APBA1: variants seen among roughly 807,000 people sequenced by gnomAD.
APBA1 encodes the protein amyloid beta precursor protein binding family A member 1.
In APBA1, 55 loss-of-function variants were observed where a neutral mutation model predicts 86.6. The ratio of observed to expected loss-of-function variants is 0.64; its 90% CI spans 0.51 to 0.80. The LOEUF (loss-of-function observed/expected upper bound fraction) is 0.80, where lower values mean the gene tolerates loss of function less well. Among genes scored for constraint, APBA1 ranks in the 30% least tolerant of loss-of-function variants. The pLI is 0.00. For synonymous variants in APBA1, 511 were observed against 493.9 expected (o/e 1.03, Z -0.46); for missense variants, 1,090 against 1,183.0 (o/e 0.92, Z 1.15).
chr9:69,569,728 ACT>A (rs1837085351), intron 1 of APBA1, among the ~76,000 whole-genome samples: 1 of 152,116 alleles, frequency 6.6e-6, no homozygotes, highest in South Asian at 2.1e-4. Context: ...TGTGAAATAA[ACT>A]CTGTTATAGG....
intron 2 of APBA1, among the ~76,000 whole-genome samples, chr9:69,498,000 G>A (rs1399517167): frequency 6.6e-6 from 1 of 152,096 alleles, no homozygotes; most frequent in African/African-American, 2.4e-5. Context: ...AATGTGGAAG[G>A]CAGAGTTCTC....
intron 2 of APBA1, among the ~76,000 whole-genome samples, chr9:69,497,257 TGAA>T (rs1231996798): frequency 1.3e-5 from 2 of 151,892 alleles, no homozygotes; most frequent in Admixed American, 1.3e-4. Flanking sequence ...GATGGAAGCA[TGAA>T]GAGGAGGATC....
chr9:69,526,399 A>C (rs981945790), intron 1 of APBA1, among the ~76,000 whole-genome samples: 1 of 152,166 alleles, frequency 6.6e-6, no homozygotes, highest in Non-Finnish European at 1.5e-5. Flanking sequence ...AACCCCATTA[A>C]AACGAGGAAA....
intron 1 of APBA1, among the ~76,000 whole-genome samples, chr9:69,559,391 T>C (rs149773292): frequency 4.2e-3 from 639 of 152,300 alleles, no homozygotes; most frequent in Non-Finnish European, 5.3e-3. Flanking sequence ...TCATGCCCCT[T>C]CTTTGTCATT....
chr9:69,456,985 G>A, intron 7 of APBA1, 68 bp downstream of exon 7: 2 of 1,326,920 alleles, frequency 1.5e-6, no homozygotes, highest in Non-Finnish European at 1.1e-6. Flanking sequence ...CTGCTCTACA[G>A]ACACATGCAT....
chr9:69,455,963 G>C (rs2133814347), intron 8 of APBA1, among the ~76,000 whole-genome samples: 1 of 152,208 alleles, frequency 6.6e-6, no homozygotes, highest in Non-Finnish European at 1.5e-5. Context: ...CATAGCCCCT[G>C]TCCCTCCATC....
At chr9:69,633,085 C>CT (rs112455302) in intron 1 of APBA1, among the ~76,000 whole-genome samples, 3,024 of 143,816 alleles carry the variant, frequency 0.021, 79 homozygotes, top group African/African-American at 0.063. Flanking sequence ...ATCTTCCCTC[C>CT]TTTTTTTTTT....
chr9:69,530,353 CACACAT>C (rs1461563794), intron 1 of APBA1, among the ~76,000 whole-genome samples: 6 of 149,292 alleles, frequency 4.0e-5, no homozygotes, highest in Non-Finnish European at 7.4e-5. Flanking sequence ...CACACACACA[CACACAT>C]GCAACACTAT....
chr9:69,526,684 C>T (rs148585905), intron 1 of APBA1, among the ~76,000 whole-genome samples: 240 of 151,878 alleles, frequency 1.6e-3, no homozygotes, highest in Non-Finnish European at 2.8e-3. Context: ...AACTACAATT[C>T]GACCCAGCAA....
intron 1 of APBA1, among the ~76,000 whole-genome samples, chr9:69,636,497 C>T (rs1388301677): frequency 6.6e-6 from 1 of 152,122 alleles, no homozygotes; most frequent in African/African-American, 2.4e-5. Context: ...AAGCAACTTA[C>T]ATGTCCATCA....
At chr9:69,546,303 A>G (rs1456771988) in intron 1 of APBA1, among the ~76,000 whole-genome samples, 2 of 152,262 alleles carry the variant, frequency 1.3e-5, no homozygotes, top group Admixed American at 6.5e-5. Context: ...TGCGGAGGTC[A>G]GTCTACTTCA....
intron 1 of APBA1, among the ~76,000 whole-genome samples, chr9:69,670,566 G>A (rs1052392789): frequency 6.6e-6 from 1 of 152,162 alleles, no homozygotes; most frequent in Non-Finnish European, 1.5e-5. Flanking sequence ...GAATACCGCA[G>A]GAGAAACATA....
chr9:69,523,591 T>C (rs1454402640), intron 1 of APBA1, among the ~76,000 whole-genome samples: 1 of 147,176 alleles, frequency 6.8e-6, no homozygotes, highest in African/African-American at 2.5e-5. Flanking sequence ...AAACAAGTTC[T>C]TCTAGACCTA....
At chr9:69,553,255 G>A (rs908435832) in intron 1 of APBA1, among the ~76,000 whole-genome samples, 1 of 152,140 alleles carries the variant, frequency 6.6e-6, no homozygotes. Flanking sequence ...GATCTTAAAT[G>A]TACAATTTGA....
At chr9:69,649,243 G>T (rs1325815514) in intron 1 of APBA1, among the ~76,000 whole-genome samples, 3 of 152,086 alleles carry the variant, frequency 2.0e-5, no homozygotes, top group African/African-American at 7.2e-5. Flanking sequence ...TCCAATCAAA[G>T]ATCCTAGAAA....
intron 1 of APBA1, among the ~76,000 whole-genome samples, chr9:69,671,890 G>C (rs529472221): frequency 2.6e-5 from 4 of 152,108 alleles, no homozygotes. Flanking sequence ...CATCAGGCCC[G>C]CCTGCTGCGC....
intron 1 of APBA1, among the ~76,000 whole-genome samples, chr9:69,605,156 T>C (rs890746019): frequency 2.0e-5 from 3 of 152,094 alleles, no homozygotes; most frequent in African/African-American, 7.2e-5. Flanking sequence ...ATCAAAGCCA[T>C]AACTAGTTTT....
intron 4 of APBA1, among the ~76,000 whole-genome samples, chr9:69,469,575 A>G (rs553092962): frequency 1.4e-4 from 21 of 152,336 alleles, no homozygotes; most frequent in Admixed American, 7.2e-4. Context: ...GTACACAGAC[A>G]AATCTGCCTC....
chr9:69,655,696 C>A lies in APBA1; in HGVS notation c.-70+16457G>T, dbSNP rs149476566. On this transcript the variant is annotated intron_variant, in intron 1 of 12. Transcript: ENST00000265381. Reference sequence around the variant, plus strand: ...TCCCTATAGAAACACCCATGGCATTCTTCACAGAAATAGAAAAACAATCCT... The same window carrying A: ...TCCCTATAGAAACACCCATGGCATTATTCACAGAAATAGAAAAACAATCCT... Among the ~76,000 whole-genome samples the A allele has an allele frequency of 3.8e-3, 571 of 152,064 alleles. 2 individuals carry two copies. The highest frequency in any genetic ancestry group is 5.5e-3 in the Non-Finnish European group (377 of 68,012).
Sources: gnomAD v4.1 joint callset for allele counts (sites outside exome capture counted in the v4.1 genomes callset) on GRCh38, gnomAD v4.1.1 for gene constraint, MANE v1.5 for transcripts, NCBI Gene and HGNC (gene_info 2026-07-23, HGNC 2026-07-21) for gene names.